Variants in WDR33 observed in about 807,000 individuals in gnomAD.
The protein encoded by WDR33 is WD repeat domain 33.
Under a neutral mutation model 164.9 loss-of-function variants are expected in WDR33, and 47 were observed. That is an observed-to-expected ratio of 0.29 (90% CI 0.23 to 0.36). The LOEUF (loss-of-function observed/expected upper bound fraction) is 0.36. Among genes scored for constraint, WDR33 ranks in the 10% least tolerant of loss-of-function variants. WDR33 has a pLI of 1.00. For synonymous variants in WDR33, 505 were observed against 589.0 expected (o/e 0.86, Z 2.06); for missense variants, 1,137 against 1,754.1 (o/e 0.65, Z 6.28).
At chr2:127,736,341 G>A in intron 7 of WDR33, 1 of 985,400 alleles carries the variant, frequency 1.0e-6, no homozygotes, top group Non-Finnish European at 1.2e-6. Flanking sequence ...AATTTGTAAT[G>A]TGTATTTCTT....
chr2:127,768,804 T>C, intron 3 of WDR33, 129 bp downstream of exon 3: 1 of 581,318 alleles, frequency 1.7e-6, no homozygotes. Flanking sequence ...ATATTATCCC[T>C]TTGGGAATAT....
chr2:127,791,649 TC>T (rs1374106496), intron 1 of WDR33, among the ~76,000 whole-genome samples: 1 of 152,074 alleles, frequency 6.6e-6, no homozygotes, highest in Non-Finnish European at 1.5e-5. Flanking sequence ...GGTTACTACT[TC>T]AGCATATAAA....
At chr2:127,793,733 CCT>C (rs1688922822) in intron 1 of WDR33, among the ~76,000 whole-genome samples, 1 of 151,830 alleles carries the variant, frequency 6.6e-6, no homozygotes, top group African/African-American at 2.4e-5. Context: ...AGAGCAAGAC[CCT>C]GTCTCAAAAA....
intron 7 of WDR33, among the ~76,000 whole-genome samples, chr2:127,752,036 A>G (rs1422356851): frequency 6.6e-6 from 1 of 152,232 alleles, no homozygotes; most frequent in Admixed American, 6.5e-5. Flanking sequence ...CAAACAAGAC[A>G]TTAGATTTCT....
intron 1 of WDR33, among the ~76,000 whole-genome samples, chr2:127,788,100 C>T (rs1270061676): frequency 1.6e-3 from 137 of 83,782 alleles, no homozygotes; most frequent in Middle Eastern, 7.0e-3. Context: ...CCGGACGGGG[C>T]GGCTGGCCGG....
chr2:127,719,745 G>A lies in WDR33; in HGVS notation c.2280C>T (p.Gly760=), dbSNP rs749048997. Residue 760 remains glycine, a synonymous_variant, in exon 16 of 22, where the codon GGC becomes GGT. Coordinates refer to ENST00000322313, the MANE Select transcript of WDR33 (RefSeq NM_018383.5). The surrounding 1 kb of genome is among the most constrained non-coding windows in gnomAD (Gnocchi z 6.5). ...CTTGGATCCCTTGAGACCCTGGTCC[G>A]CCTTGGATCCCATGAGGATGAGGAG... ...QGPPHPHGIQ[G]GPGSQGIQGP... is the part of the protein sequence containing the mutation. 2.2e-5 allele frequency: 36 copies of A among 1,613,616 alleles called. No homozygotes were observed. The highest frequency in any genetic ancestry group is 1.6e-4 in the Middle Eastern group (1 of 6,078).
rs1024027923 is a variant in WDR33, at chr2:127,726,861, T to C, written c.725-84A>G. On this transcript the variant is annotated intron_variant, in intron 7 of 21. Transcript: ENST00000322313. The surrounding 1 kb of genome is among the most constrained non-coding windows in gnomAD (Gnocchi z 4.8). ...AACCAAAGTAGAGAAACCTAGTAAA[T>C]GTTTTGCTCTCAGTGCTCAGTCAAC... 35 of 1,548,698 alleles carry C rather than the reference T, an allele frequency of 2.3e-5. No homozygotes were observed. Among genetic ancestry groups the C allele is most frequent in the Non-Finnish European group, 2.5e-5 (29 of 1,140,914 alleles).
chr2:127,792,644 A>T (rs927980933), intron 1 of WDR33, among the ~76,000 whole-genome samples: 6 of 141,936 alleles, frequency 4.2e-5, no homozygotes, highest in African/African-American at 1.5e-4. Flanking sequence ...ACTGAACTCC[A>T]GACTGGGCAA....
At chr2:127,794,185 A>G (rs1688942650) in intron 1 of WDR33, among the ~76,000 whole-genome samples, 1 of 41,086 alleles carries the variant, frequency 2.4e-5, no homozygotes, top group Admixed American at 3.1e-4. Context: ...AGAGACAAGA[A>G]AGAAAGTAAG....
At chr2:127,769,150 T>C (rs1360099931) in intron 2 of WDR33, 149 bp from the exon 3 acceptor site, 5 of 399,152 alleles carry the variant, frequency 1.3e-5, no homozygotes, top group Admixed American at 5.0e-5. Context: ...CTAAAACAAA[T>C]AGTGGGTGCC....
Position 127,738,174 on chromosome 2 carries a change from T to A in WDR33, c.725-11397A>T. On this transcript the variant is annotated intron_variant, in intron 7 of 21. Transcript: ENST00000322313. This position sits in a 1 kb window ranked among gnomAD's most constrained non-coding sequence, Gnocchi z 4.4. ...ACTGAGATTTTTTTCTATTAATGAG[T>A]AATCTGAGATAACATATGCTCCAAC... 1.3e-6 allele frequency: 1 copy of A among 756,700 alleles called. No homozygotes were observed. Among genetic ancestry groups the A allele is most frequent in the Non-Finnish European group, 1.9e-6 (1 of 517,616 alleles). The allele number at this position is 756,700 out of a possible 1,614,324, so 46.9% of individuals were successfully genotyped here.
chr2:127,775,378 G>A (rs139191986), intron 1 of WDR33, among the ~76,000 whole-genome samples: 8 of 152,220 alleles, frequency 5.3e-5, no homozygotes, highest in African/African-American at 1.9e-4. Flanking sequence ...TAATAGAGCC[G>A]GGGTTTTGCC....
chr2:127,778,526 C>T (rs1397322087), intron 1 of WDR33, among the ~76,000 whole-genome samples: 1 of 151,838 alleles, frequency 6.6e-6, no homozygotes, highest in Non-Finnish European at 1.5e-5. Context: ...CACACACACA[C>T]ACACACATTC....
At chr2:127,736,261 A>G in intron 7 of WDR33, 13 of 985,442 alleles carry the variant, frequency 1.3e-5, no homozygotes, top group Non-Finnish European at 1.6e-5. Flanking sequence ...ACCTGAATTC[A>G]GCAGAATGGA....
intron 7 of WDR33, among the ~76,000 whole-genome samples, chr2:127,732,152 C>T (rs1399867172): frequency 1.4e-5 from 2 of 145,660 alleles, no homozygotes; most frequent in African/African-American, 5.2e-5. Flanking sequence ...CACACACACA[C>T]ACACAGACGG....
intron 1 of WDR33, among the ~76,000 whole-genome samples, chr2:127,777,524 T>A (rs921172199): frequency 7.2e-5 from 11 of 152,244 alleles, no homozygotes; most frequent in African/African-American, 2.2e-4. Context: ...TTATTTTGCA[T>A]TAAATTTGTA....
chr2:127,762,913 G>A (rs1687719940), intron 7 of WDR33, 149 bp downstream of exon 7: 6 of 1,435,518 alleles, frequency 4.2e-6, no homozygotes. Flanking sequence ...GTCAGAGAAA[G>A]TGCTGGGTTT....
At chr2:127,792,185 C>T (rs560031565) in intron 1 of WDR33, among the ~76,000 whole-genome samples, 11 of 151,658 alleles carry the variant, frequency 7.3e-5, no homozygotes, top group South Asian at 4.2e-4. Context: ...GTGATCCACC[C>T]GCCTCAGCCT....
chr2:127,794,529 G>C (rs1382888592), intron 1 of WDR33, among the ~76,000 whole-genome samples: 2 of 148,512 alleles, frequency 1.3e-5, no homozygotes, highest in Non-Finnish European at 3.0e-5. Context: ...GAAAAGAAAA[G>C]AGACAAAGAC....
Sources: allele counts gnomAD v4.1 joint callset (sites outside exome capture counted in the v4.1 genomes callset), GRCh38; gene constraint gnomAD v4.1.1; non-coding constraint Gnocchi (gnomAD v3.1); transcripts MANE v1.5; gene names NCBI Gene and HGNC (gene_info 2026-07-23, HGNC 2026-07-21).